The following SLC35F3 variants were observed in gnomAD, a reference collection of about 807,000 sequenced individuals.
SLC35F3 encodes the protein putative thiamine transporter SLC35F3.
SLC35F3 carries 25 observed loss-of-function variants against 49.9 expected under a neutral mutation model. That is an observed-to-expected ratio of 0.50 (90% confidence interval 0.37 to 0.70). The LOEUF (loss-of-function observed/expected upper bound fraction) is 0.70, where lower values mean the gene tolerates loss of function less well. Among genes scored for constraint, SLC35F3 ranks in the 30% least tolerant of loss-of-function variants. The probability of loss-of-function intolerance (pLI) is 0.00; values close to 1 mark genes in which losing one functional copy is unlikely to be tolerated. For missense variants in SLC35F3, 525 were observed against 639.8 expected (o/e 0.82, Z 1.94); for synonymous variants, 275 against 265.4 (o/e 1.04, Z -0.35).
chr1:234,039,960 C>T (rs1489446230), intron 2 of SLC35F3, among the ~76,000 whole-genome samples: 1 of 151,472 alleles, frequency 6.6e-6, no homozygotes. Context: ...CTGCCCTCCA[C>T]CAGTGAGGGC....
At chr1:233,962,645 C>T (rs952739334) in intron 2 of SLC35F3, among the ~76,000 whole-genome samples, 6 of 152,088 alleles carry the variant, frequency 3.9e-5, no homozygotes, top group Admixed American at 3.3e-4. Flanking sequence ...TGTTTTGTAC[C>T]TTGAGGAGTT....
chr1:234,112,722 ATTTTTTTTTTTT>A (rs1157248348), intron 2 of SLC35F3, among the ~76,000 whole-genome samples: 2 of 33,546 alleles, frequency 6.0e-5, no homozygotes, highest in East Asian at 1.2e-3. Flanking sequence ...TGCCCAGCTA[ATTTTTTTTTTTT>A]TTTTTTTTTT....
chr1:234,018,717 TAAC>T (rs1013626668), intron 2 of SLC35F3, among the ~76,000 whole-genome samples: 3 of 152,184 alleles, frequency 2.0e-5, no homozygotes, highest in Non-Finnish European at 2.9e-5. Flanking sequence ...TTGATAAACA[TAAC>T]AAACACTGAT....
intron 3 of SLC35F3, among the ~76,000 whole-genome samples, chr1:234,233,739 C>A (rs540148234): frequency 6.6e-6 from 1 of 152,160 alleles, no homozygotes; most frequent in African/African-American, 2.4e-5. Context: ...TGTTAACTGG[C>A]GAACAATGTA....
chr1:233,928,324 CTGAG>C lies in SLC35F3; in HGVS notation c.283+22576_283+22579del, dbSNP rs145430408. Among the ~76,000 whole-genome samples, 661 of 152,274 alleles carry C rather than the reference CTGAG, an allele frequency of 4.3e-3. 4 individuals carry two copies. Among genetic ancestry groups the C allele is most frequent in the Non-Finnish European group, 6.9e-3 (468 of 68,014 alleles). ...TTTTAGAAGAAATGTGAGCACATCA[CTGAG>C]TGAGTGAGTCACTGTCTCTCCCTTT... On this transcript the variant is annotated intron_variant, in intron 2 of 7. Coordinates refer to ENST00000366618, the MANE Select transcript of SLC35F3 (RefSeq NM_173508.4).
At chr1:234,048,769 A>G (rs1193614426) in intron 2 of SLC35F3, among the ~76,000 whole-genome samples, 2 of 151,766 alleles carry the variant, frequency 1.3e-5, no homozygotes, top group Non-Finnish European at 2.9e-5. Context: ...AAGGTAAGGT[A>G]GAGCCCAGTG....
intron 2 of SLC35F3, among the ~76,000 whole-genome samples, chr1:234,086,964 C>T (rs183887575): frequency 3.8e-4 from 58 of 152,296 alleles, no homozygotes; most frequent in African/African-American, 1.3e-3. Context: ...AATAAATTGC[C>T]TCTCTCTCTG....
At chr1:234,315,168 A>G (rs1394293528) in intron 4 of SLC35F3, among the ~76,000 whole-genome samples, 1 of 152,210 alleles carries the variant, frequency 6.6e-6, no homozygotes, top group African/African-American at 2.4e-5. Flanking sequence ...AGATTGGGCC[A>G]GGCAGTGCTC....
chr1:234,262,362 T>C (rs1667918430), intron 3 of SLC35F3, among the ~76,000 whole-genome samples: 1 of 152,228 alleles, frequency 6.6e-6, no homozygotes, highest in South Asian at 2.1e-4. Context: ...TAGACTGATG[T>C]AACAAGCTTG....
At chr1:234,264,988 A>C (rs1667958873) in intron 3 of SLC35F3, among the ~76,000 whole-genome samples, 1 of 151,974 alleles carries the variant, frequency 6.6e-6, no homozygotes, top group South Asian at 2.1e-4. Context: ...GCCTCCCTGA[A>C]CTCTGAACAG....
At chr1:234,226,551 TAAAA>T (rs10547189) in intron 2 of SLC35F3, among the ~76,000 whole-genome samples, 138 of 143,300 alleles carry the variant, frequency 9.6e-4, no homozygotes, top group African/African-American at 2.7e-3. Context: ...TACATTAAGT[TAAAA>T]AAAAAAAAAA....
chr1:233,928,202 G>A (rs1455392782), intron 2 of SLC35F3, among the ~76,000 whole-genome samples: 2 of 152,110 alleles, frequency 1.3e-5, no homozygotes, highest in African/African-American at 4.8e-5. Context: ...GACCTATAGT[G>A]AGCAAATTTT....
chr1:234,309,854 A>G (rs1346629089), intron 4 of SLC35F3, among the ~76,000 whole-genome samples: 3 of 152,216 alleles, frequency 2.0e-5, no homozygotes, highest in African/African-American at 7.2e-5. Flanking sequence ...CTAAGTCCCA[A>G]CTGTGAAGGG....
intron 2 of SLC35F3, among the ~76,000 whole-genome samples, chr1:233,922,725 A>G (rs950239458): frequency 6.6e-5 from 10 of 151,820 alleles, no homozygotes; most frequent in African/African-American, 2.2e-4. Flanking sequence ...CCTTGCCCAT[A>G]CCCATGTCAT....
intron 2 of SLC35F3, among the ~76,000 whole-genome samples, chr1:233,937,715 G>T (rs1344588446): frequency 6.6e-6 from 1 of 152,198 alleles, no homozygotes; most frequent in Non-Finnish European, 1.5e-5. Flanking sequence ...GGGACTGAAA[G>T]CATTGCCTGG....
chr1:234,096,482 T>C (rs1258553059), intron 2 of SLC35F3, among the ~76,000 whole-genome samples: 3 of 152,206 alleles, frequency 2.0e-5, no homozygotes, highest in African/African-American at 7.2e-5. Context: ...TTATCACATG[T>C]ATAGCTACAA....
At position 233,904,999 on chromosome 1, in the gene SLC35F3, C is replaced by A; in HGVS notation, c.-79C>A. 2 of 1,480,674 alleles carry A rather than the reference C, an allele frequency of 1.4e-6. No individual in the cohort carries two copies. Among genetic ancestry groups the A allele is most frequent in the Non-Finnish European group, 1.8e-6 (2 of 1,088,604 alleles). The allele number at this position is 1,480,674 out of a possible 1,614,324, so 91.7% of individuals were successfully genotyped here. ...GGCAGCGCACTCCAGTCTTCCCAGG[C>A]TAGCGGCTGCAGGGAGCTCCGGCCC... On this transcript the variant is annotated 5_prime_UTR_variant, in exon 1 of 8. Coordinates refer to ENST00000366618, the MANE Select transcript of SLC35F3 (RefSeq NM_173508.4).
chr1:234,231,523 G>T lies in SLC35F3; in HGVS notation c.390G>T (p.Ala130=). The part of the protein sequence containing the change: ...ASRRCWTCSR[A]QLKKIFWGVA... ...GCCGCTGCTGGACGTGCTCCCGGGC[G>T]CAACTCAAGAAGATCTTCTGGGGCG... The change falls in exon 3 of 8, where the codon GCG becomes GCT. Residue 130 remains alanine, a synonymous_variant. Transcript: ENST00000366618. This position sits in a 1 kb window ranked among gnomAD's most constrained non-coding sequence, Gnocchi z 5.4. 6.2e-7 allele frequency: 1 copy of T among 1,613,952 alleles called. No individual in the cohort carries two copies. Among genetic ancestry groups the T allele is most frequent in the Non-Finnish European group, 8.5e-7 (1 of 1,179,944 alleles).
intron 2 of SLC35F3, among the ~76,000 whole-genome samples, chr1:234,131,624 C>T (rs1268805113): frequency 6.6e-6 from 1 of 152,168 alleles, no homozygotes; most frequent in Admixed American, 6.5e-5. Context: ...TTGTAGCGAG[C>T]AAGGAAGGGA....
Sources: allele counts gnomAD v4.1 joint callset (sites outside exome capture counted in the v4.1 genomes callset), GRCh38; gene constraint gnomAD v4.1.1; non-coding constraint Gnocchi (gnomAD v3.1); transcripts MANE v1.5; gene names NCBI Gene and HGNC (gene_info 2026-07-23, HGNC 2026-07-21).